ZBTB8A: variants seen among roughly 807,000 people sequenced by gnomAD.
The protein encoded by ZBTB8A is zinc finger and BTB domain-containing protein 8A.
ZBTB8A carries 19 observed loss-of-function variants against 37.8 expected under a neutral mutation model. The ratio of observed to expected loss-of-function variants is 0.50; its 90% CI spans 0.35 to 0.74. ZBTB8A has a LOEUF of 0.74. ZBTB8A is among the 30% of genes least tolerant of loss of function. The pLI is 0.01. For missense variants in ZBTB8A, 394 were observed against 537.8 expected, an observed-to-expected ratio of 0.73 and a Z score of 2.65; for synonymous variants, 181 against 185.2, an observed-to-expected ratio of 0.98 and a Z score of 0.19.
chr1:32,597,185 G>A (rs914651375), intron 4 of ZBTB8A, among the ~76,000 whole-genome samples: 3 of 151,910 alleles, frequency 2.0e-5, no homozygotes, highest in African/African-American at 7.2e-5. Context: ...AGTAGAGATG[G>A]GGTTTCACCA....
At chr1:32,589,359 T>C (rs1570364318) in intron 2 of ZBTB8A, among the ~76,000 whole-genome samples, 1 of 151,636 alleles carries the variant, frequency 6.6e-6, no homozygotes. Flanking sequence ...CAAGCGATTC[T>C]CCTGCCTCAG....
intron 1 of ZBTB8A, among the ~76,000 whole-genome samples, chr1:32,543,304 C>T (rs12140665): frequency 0.11 from 17,273 of 152,004 alleles, 1,077 homozygotes; most frequent in African/African-American, 0.18. Context: ...AGGCTGGTCT[C>T]AAACTCCTGA....
At chr1:32,598,932 A>G (rs1485472690) in intron 4 of ZBTB8A, among the ~76,000 whole-genome samples, 2 of 152,134 alleles carry the variant, frequency 1.3e-5, no homozygotes, top group Non-Finnish European at 2.9e-5. Context: ...GGTGGTGCCC[A>G]TATCTTACCA....
intron 2 of ZBTB8A, among the ~76,000 whole-genome samples, chr1:32,575,224 T>TC (rs1644350606): frequency 1.4e-5 from 2 of 146,970 alleles, no homozygotes; most frequent in African/African-American, 5.1e-5. Context: ...TTCTTTTCTT[T>TC]CCTTTTTTTT....
intron 2 of ZBTB8A, among the ~76,000 whole-genome samples, chr1:32,586,177 G>C (rs548153683): frequency 1.8e-4 from 27 of 151,570 alleles, no homozygotes; most frequent in Non-Finnish European, 4.0e-4. Flanking sequence ...AAAATTAACC[G>C]GGGTGGTGGT....
intron 2 of ZBTB8A, among the ~76,000 whole-genome samples, chr1:32,573,386 C>G (rs1231232734): frequency 6.7e-6 from 1 of 148,216 alleles, no homozygotes; most frequent in Non-Finnish European, 1.5e-5. Flanking sequence ...TCTCTAGATT[C>G]TTAAGTTGAA....
intron 2 of ZBTB8A, among the ~76,000 whole-genome samples, chr1:32,568,488 G>A (rs977508570): frequency 2.0e-5 from 3 of 151,742 alleles, no homozygotes; most frequent in African/African-American, 4.8e-5. Flanking sequence ...CCGGGTTCAC[G>A]CCATTCTCCT....
chr1:32,596,794 T>A (rs773622614), intron 4 of ZBTB8A, among the ~76,000 whole-genome samples: 4 of 152,206 alleles, frequency 2.6e-5, no homozygotes, highest in Non-Finnish European at 5.9e-5. Context: ...GTTTTATATT[T>A]CCATTTTAAT....
chr1:32,571,068 G>A (rs1320576104), intron 2 of ZBTB8A, among the ~76,000 whole-genome samples: 1 of 151,954 alleles, frequency 6.6e-6, no homozygotes, highest in African/African-American at 2.4e-5. Context: ...CAGAGATGGG[G>A]CTTCACCATG....
rs928546968 is a variant in ZBTB8A, at chr1:32,539,589, G to A, written c.-84+17G>A. The A allele has an allele frequency of 6.8e-6, 1 of 147,228 alleles. No homozygotes were observed. Among genetic ancestry groups the A allele is most frequent in the African/African-American group, 2.4e-5 (1 of 40,912 alleles). The allele number at this position is 147,228 out of a possible 1,614,324, so 9.1% of individuals were successfully genotyped here. On this transcript the variant is annotated intron_variant, in intron 1 of 4. Transcript: ENST00000373510. ...CGGCCCGCGGTAAGTGGCTGCACGC[G>A]GCGCCGGCGGAGGGCGGGCGGGCGT...
chr1:32,585,503 G>A (rs531439093), intron 2 of ZBTB8A, among the ~76,000 whole-genome samples: 5 of 152,154 alleles, frequency 3.3e-5, no homozygotes, highest in Non-Finnish European at 7.4e-5. Context: ...ACAAAAATAT[G>A]TAAGATCTTA....
chr1:32,576,483 C>T (rs886107772), intron 2 of ZBTB8A, among the ~76,000 whole-genome samples: 1 of 152,128 alleles, frequency 6.6e-6, no homozygotes, highest in Non-Finnish European at 1.5e-5. Context: ...GGCTGCAGTG[C>T]AATGGCGCAA....
intron 1 of ZBTB8A, among the ~76,000 whole-genome samples, chr1:32,546,507 G>A (rs1311684560): frequency 2.0e-5 from 3 of 151,940 alleles, no homozygotes; most frequent in African/African-American, 7.3e-5. Context: ...AGCCAGACAT[G>A]GTGGTACACT....
chr1:32,580,550 GAA>G (rs112268131), intron 2 of ZBTB8A, among the ~76,000 whole-genome samples: 1 of 136,836 alleles, frequency 7.3e-6, no homozygotes, highest in Non-Finnish European at 1.6e-5. Context: ...GATTCTGTCT[GAA>G]AAAAAAAAAA....
chr1:32,566,249 C>T (rs1644278448), intron 2 of ZBTB8A, among the ~76,000 whole-genome samples: 1 of 149,912 alleles, frequency 6.7e-6, no homozygotes, highest in Non-Finnish European at 1.5e-5. Flanking sequence ...CGCAGTGGCT[C>T]ATGCCAATAA....
In ZBTB8A at chr1:32,604,727, A is replaced by C. The variant is rs1448889130; in HGVS notation, c.*4308A>C. The C allele has an allele frequency of 2.0e-5, 3 of 152,202 alleles. No homozygotes were observed. The highest frequency in any genetic ancestry group is 7.2e-5 in the African/African-American group (3 of 41,444). 9.4% of individuals were successfully genotyped at this position (152,202 alleles called of 1,614,324 possible). A position where few individuals can be genotyped will look rare whatever the true frequency, so the allele number is the denominator to read the frequency against. ...TCAATTATTTATGAGCTCAGAACTC[A>C]ATTCATTAAAGTTATTTTGCCAAGT... On this transcript the variant is annotated 3_prime_UTR_variant, in exon 5 of 5. Transcript: ENST00000373510.
chr1:32,548,894 A>G (rs922946230), intron 1 of ZBTB8A, among the ~76,000 whole-genome samples: 1 of 152,176 alleles, frequency 6.6e-6, no homozygotes, highest in African/African-American at 2.4e-5. Context: ...CATTGATAAA[A>G]AGAAATACCT....
intron 2 of ZBTB8A, among the ~76,000 whole-genome samples, chr1:32,576,397 A>G (rs1031432189): frequency 2.0e-5 from 3 of 152,060 alleles, no homozygotes; most frequent in Non-Finnish European, 4.4e-5. Flanking sequence ...ATATTAGACT[A>G]TTTGATATTG....
At chr1:32,593,830 T>G in intron 3 of ZBTB8A, 76 bp downstream of exon 3, 1 of 1,164,134 alleles carries the variant, frequency 8.6e-7, no homozygotes, top group Non-Finnish European at 1.2e-6. Flanking sequence ...CAAAACACCC[T>G]TAGTTTCAGG....
Sources: gnomAD v4.1 joint callset for allele counts (sites outside exome capture counted in the v4.1 genomes callset) on GRCh38, gnomAD v4.1.1 for gene constraint, MANE v1.5 for transcripts, NCBI Gene and HGNC (gene_info 2026-07-23, HGNC 2026-07-21) for gene names.